ATXN2: variants seen among roughly 807,000 people sequenced by gnomAD.
The protein encoded by ATXN2 is ataxin 2.
A neutral mutation model predicts 138.6 loss-of-function variants in ATXN2; 37 were observed. That is an observed-to-expected ratio of 0.27 (90% CI 0.21 to 0.35). ATXN2 has a LOEUF of 0.35. ATXN2 is among the 10% of genes least tolerant of loss of function. The pLI, the probability that ATXN2 is intolerant of heterozygous loss-of-function variation, is 1.00. For missense variants in ATXN2, 1,216 were observed against 1,480.3 expected, an observed-to-expected ratio of 0.82 and a Z score of 2.93; for synonymous variants, 549 against 543.7, an observed-to-expected ratio of 1.01 and a Z score of -0.13.
At chr12:111,569,938 T>C (rs1042524291) in intron 1 of ATXN2, among the ~76,000 whole-genome samples, 1 of 152,196 alleles carries the variant, frequency 6.6e-6, no homozygotes, top group Non-Finnish European at 1.5e-5. Context: ...ATGATGAAGA[T>C]GTCCTATGTC....
At chr12:111,520,170 G>C in intron 7 of ATXN2, 94 bp from the exon 8 acceptor site, 4 of 1,438,742 alleles carry the variant, frequency 2.8e-6, no homozygotes, top group Admixed American at 4.4e-5. Flanking sequence ...TTAGAGTTTA[G>C]AATACTGGTA....
At chr12:111,530,596 C>T (rs951548314) in intron 5 of ATXN2, among the ~76,000 whole-genome samples, 1 of 152,182 alleles carries the variant, frequency 6.6e-6, no homozygotes, top group East Asian at 1.9e-4. Flanking sequence ...AGGCAGATCA[C>T]GAGGTCAGGA....
chr12:111,565,164 T>TG (rs1321468466), intron 1 of ATXN2, among the ~76,000 whole-genome samples: 13 of 145,882 alleles, frequency 8.9e-5, no homozygotes, highest in Non-Finnish European at 1.6e-4. Context: ...ATCCACCTAC[T>TG]GAAAAAAAAA....
chr12:111,575,934 T>C (rs890737228), intron 1 of ATXN2, among the ~76,000 whole-genome samples: 1 of 151,590 alleles, frequency 6.6e-6, no homozygotes, highest in African/African-American at 2.4e-5. Flanking sequence ...ATACAAAAAT[T>C]AGCCAGGCAC....
At chr12:111,468,300 G>GTA (rs1188259745) in intron 20 of ATXN2, 8 of 152,316 alleles carry the variant, frequency 5.3e-5, no homozygotes, top group African/African-American at 1.9e-4. Context: ...TAGTTTGTCA[G>GTA]TATCTTTTAC....
chr12:111,598,918 G>C lies in ATXN2; in HGVS notation c.117C>G (p.Pro39=), dbSNP rs1201458728. The change falls in exon 1 of 25, where the codon CCC becomes CCG. Residue 39 remains proline (P), a synonymous_variant. Transcript: ENST00000673436. This position sits in a 1 kb window ranked among gnomAD's most constrained non-coding sequence, Gnocchi z 4.5. ...GCGACGCTAGAAGGCCGCTGCCGCC[G>C]GGCTTGCGGACATTGGCAGCCGCGG... The part of the protein sequence containing the change: ...PPPAAANVRK[P]GGSGLLASPA... 2 of 1,509,866 alleles carry C rather than the reference G, an allele frequency of 1.3e-6. No homozygotes were observed. The highest frequency in any genetic ancestry group is 4.1e-5 in the Admixed American group (2 of 48,494). 93.5% of individuals were successfully genotyped at this position (1,509,866 alleles called of 1,614,324 possible).
In ATXN2 at chr12:111,544,503, T is replaced by C. The variant is rs114907747; in HGVS notation, c.571+7777A>G. Among the ~76,000 whole-genome samples the C allele has an allele frequency of 6.2e-3, 943 of 152,288 alleles. 12 individuals carry two copies. The highest frequency in any genetic ancestry group is 0.021 in the African/African-American group (890 of 41,564). ...CTTGGAGCACAAAGAGCTCAAACTG[T>C]AACAGGGGAGACAAGCATATAATTT... On this transcript the variant is annotated intron_variant, in intron 5 of 24. Transcript: ENST00000673436.
At position 111,554,226 on chromosome 12, in the gene ATXN2, T is replaced by C; in HGVS notation, c.289-9A>G. ...ATTCCATCAAAAGAAATCTGGAATA[T>C]TAAAAAAAAAAAAAACTATTAGAAA... On this transcript the variant is annotated splice_polypyrimidine_tract_variant and intron_variant, in intron 2 of 24. Transcript: ENST00000673436. 1 of 1,366,556 alleles carries C rather than the reference T, an allele frequency of 7.3e-7. No individual in the cohort carries two copies. Among genetic ancestry groups the C allele is most frequent in the Non-Finnish European group, 9.7e-7 (1 of 1,029,620 alleles). 84.7% of individuals were successfully genotyped at this position (1,366,556 alleles called of 1,614,324 possible). A position where few individuals can be genotyped will look rare whatever the true frequency, so the allele number is the denominator to read the frequency against.
chr12:111,553,817 T>C (rs761071947), intron 3 of ATXN2, among the ~76,000 whole-genome samples: 6 of 151,750 alleles, frequency 4.0e-5, no homozygotes, highest in Non-Finnish European at 8.8e-5. Context: ...CCCAGGCTGG[T>C]CTTAAACTTG....
intron 21 of ATXN2, 133 bp from the exon 22 acceptor site, chr12:111,457,492 A>C: frequency 3.0e-6 from 3 of 999,796 alleles, no homozygotes; most frequent in Non-Finnish European, 4.3e-6. Flanking sequence ...TCTATAGATG[A>C]CTCCATTTAA....
intron 5 of ATXN2, among the ~76,000 whole-genome samples, chr12:111,548,153 ACTGT>A (rs979075956): frequency 3.9e-5 from 6 of 152,008 alleles, no homozygotes; most frequent in African/African-American, 1.4e-4. Flanking sequence ...AGATCACGCC[ACTGT>A]ACCCAGCCTG....
At chr12:111,564,625 C>G (rs1017266564) in intron 1 of ATXN2, among the ~76,000 whole-genome samples, 4 of 150,462 alleles carry the variant, frequency 2.7e-5, no homozygotes, top group African/African-American at 9.7e-5. Flanking sequence ...AGCAATACAA[C>G]AATTAAAAAT....
intron 9 of ATXN2, 129 bp downstream of exon 9, chr12:111,518,120 G>C (rs945290495): frequency 2.9e-5 from 23 of 792,140 alleles, no homozygotes; most frequent in Non-Finnish European, 4.2e-5. Flanking sequence ...AAGTAATGCT[G>C]AAGTGAAAGC....
Position 111,598,733 on chromosome 12 carries a change from G to C in ATXN2, c.251+51C>G. 2.7e-6 allele frequency: 3 copies of C among 1,111,396 alleles called. No individual in the cohort carries two copies. The highest frequency in any genetic ancestry group is 3.3e-6 in the Non-Finnish European group (3 of 902,016). 68.8% of individuals were successfully genotyped at this position (1,111,396 alleles called of 1,614,324 possible). Reference sequence around the variant, plus strand: ...GCGGGGACGGCGGCGCGGGCCGCGGGGGAGGGGACGCCGGGCCCGGAGCGG... The same window carrying C: ...GCGGGGACGGCGGCGCGGGCCGCGGCGGAGGGGACGCCGGGCCCGGAGCGG... On this transcript the variant is annotated intron_variant, in intron 1 of 24. Transcript: ENST00000673436. The surrounding 1 kb of genome is among the most constrained non-coding windows in gnomAD (Gnocchi z 4.5).
chr12:111,512,096 A>C (rs1392002657), intron 11 of ATXN2: 1 of 151,908 alleles, frequency 6.6e-6, no homozygotes, highest in East Asian at 1.9e-4. Context: ...TCAGCCTCTC[A>C]AATAGCCACC....
At chr12:111,580,272 G>A (rs1330745878) in intron 1 of ATXN2, among the ~76,000 whole-genome samples, 2 of 151,948 alleles carry the variant, frequency 1.3e-5, no homozygotes, top group African/African-American at 4.8e-5. Context: ...CTTGAGCCCA[G>A]GAGTTTGACA....
At chr12:111,465,588 G>A (rs1200976298) in intron 20 of ATXN2, among the ~76,000 whole-genome samples, 3 of 151,364 alleles carry the variant, frequency 2.0e-5, no homozygotes, top group Admixed American at 6.6e-5. Context: ...TGGCCAAGAC[G>A]GTGAAACCCC....
chr12:111,490,562 G>A (rs1487765062), intron 14 of ATXN2, among the ~76,000 whole-genome samples: 1 of 152,142 alleles, frequency 6.6e-6, no homozygotes, highest in African/African-American at 2.4e-5. Flanking sequence ...AGAGCATGGT[G>A]GCCAAACAGA....
intron 2 of ATXN2, among the ~76,000 whole-genome samples, chr12:111,554,814 T>C (rs370074832): frequency 1.3e-3 from 196 of 152,318 alleles, no homozygotes; most frequent in African/African-American, 4.6e-3. Flanking sequence ...CACAGAAATG[T>C]ACCCTAAGAA....
Sources: gnomAD v4.1 joint callset for allele counts (sites outside exome capture counted in the v4.1 genomes callset) on GRCh38, gnomAD v4.1.1 for gene constraint, Gnocchi (gnomAD v3.1) non-coding constraint, MANE v1.5 for transcripts, NCBI Gene and HGNC (gene_info 2026-07-23, HGNC 2026-07-21) for gene names.